Variants in TECTA observed in about 807,000 individuals in gnomAD.
The protein encoded by TECTA is tectorin alpha.
A neutral mutation model predicts 216.8 loss-of-function variants in TECTA; 128 were observed. The ratio of observed to expected loss-of-function variants is 0.59; its 90% CI spans 0.51 to 0.68. The LOEUF is 0.68. TECTA is among the 30% of genes least tolerant of loss of function. TECTA has a pLI of 0.00. For missense variants in TECTA, 2,551 were observed against 2,786.2 expected (o/e 0.92, Z 1.90); for synonymous variants, 1,089 against 1,117.1 (o/e 0.97, Z 0.50).
Position 121,128,119 on chromosome 11 carries a change from G to T in TECTA, c.2142G>T (p.Leu714=). The T allele has an allele frequency of 1.2e-6, 2 of 1,612,958 alleles. No homozygotes were observed. ...TCCCCAAGCGGGAGACCGTGTGCCT[G>T]CTCAGCCAGAACCAGGTGCTGCACA... ...GCFPKRETVC[L]LSQNQVLHTF... The change falls in exon 9 of 24, where the codon CTG becomes CTT. Residue 714 remains leucine, a synonymous_variant. Coordinates refer to ENST00000392793, the MANE Select transcript of TECTA (RefSeq NM_005422.4).
chr11:121,168,299 T>C (rs1227743330), intron 19 of TECTA, 82 bp downstream of exon 19: 1 of 1,556,886 alleles, frequency 6.4e-7, no homozygotes, highest in Admixed American at 1.7e-5. Flanking sequence ...TGCTAGCGTT[T>C]GTCTTTGATG....
intron 12 of TECTA, 43 bp downstream of exon 12, chr11:121,146,159 C>T: frequency 6.3e-7 from 1 of 1,595,992 alleles, no homozygotes; most frequent in Non-Finnish European, 8.5e-7. Flanking sequence ...TCTCCTCTTT[C>T]TTGATTGCTC....
intron 11 of TECTA, among the ~76,000 whole-genome samples, chr11:121,140,424 G>A (rs1946772925): frequency 6.6e-6 from 1 of 152,214 alleles, no homozygotes; most frequent in African/African-American, 2.4e-5. Context: ...CTCACGAGAT[G>A]CACTTATTGC....
chr11:121,181,200 A>G (rs1412896293), intron 20 of TECTA, among the ~76,000 whole-genome samples: 1 of 152,082 alleles, frequency 6.6e-6, no homozygotes, highest in African/African-American at 2.4e-5. Flanking sequence ...GATCTAGCAT[A>G]TTGTTGAAGC....
At chr11:121,162,783 G>A (rs781247632) in intron 16 of TECTA, among the ~76,000 whole-genome samples, 5 of 152,192 alleles carry the variant, frequency 3.3e-5, no homozygotes, top group African/African-American at 4.8e-5. Flanking sequence ...AAGGCAGAGC[G>A]GGAACTGAGC....
chr11:121,109,953 G>A (rs150911403), intron 4 of TECTA: 164 of 185,078 alleles, frequency 8.9e-4, no homozygotes, highest in African/African-American at 3.0e-3. Flanking sequence ...GAAAAATAGC[G>A]TTCCAAGTTT....
chr11:121,156,198 A>T (rs1417151142), intron 13 of TECTA, among the ~76,000 whole-genome samples: 1 of 152,146 alleles, frequency 6.6e-6, no homozygotes, highest in Non-Finnish European at 1.5e-5. Context: ...CTTCTGAGAC[A>T]GGGTCTCACT....
intron 20 of TECTA, among the ~76,000 whole-genome samples, chr11:121,175,086 T>G (rs1310260122): frequency 2.0e-5 from 3 of 152,176 alleles, no homozygotes; most frequent in African/African-American, 7.2e-5. Context: ...CTCTCTTTTC[T>G]TCTTTATTAA....
intron 20 of TECTA, among the ~76,000 whole-genome samples, chr11:121,182,866 T>G (rs981302588): frequency 6.6e-5 from 10 of 151,918 alleles, no homozygotes; most frequent in Non-Finnish European, 1.5e-4. Context: ...TGGTGGTGGG[T>G]GGGGCAGGCC....
intron 20 of TECTA, among the ~76,000 whole-genome samples, chr11:121,184,989 A>G (rs529764071): frequency 2.0e-5 from 3 of 152,222 alleles, no homozygotes; most frequent in Non-Finnish European, 2.9e-5. Context: ...ACACTCTACA[A>G]ATGCAAACCC....
chr11:121,172,785 A>T (rs1445427783), intron 20 of TECTA, among the ~76,000 whole-genome samples: 1 of 152,106 alleles, frequency 6.6e-6, no homozygotes, highest in Non-Finnish European at 1.5e-5. Flanking sequence ...CAAGGGTTGA[A>T]CTAGTTTACA....
chr11:121,122,817 C>T (rs1458347402), intron 7 of TECTA, among the ~76,000 whole-genome samples: 1 of 151,044 alleles, frequency 6.6e-6, no homozygotes, highest in Non-Finnish European at 1.5e-5. Context: ...TGTGCCACTG[C>T]ACTCCAGCCT....
At position 121,150,182 on chromosome 11, in the gene TECTA, G is replaced by A. The variant is rs752608406; in HGVS notation, c.4106-2699G>A. ...GAAAGACCAACCAACGGAAAGAAGAGAAAGTTCAGAAACAGGCCCAAACAC... is the reference window on the plus strand; with the variant it reads ...GAAAGACCAACCAACGGAAAGAAGAAAAAGTTCAGAAACAGGCCCAAACAC... On this transcript the variant is annotated intron_variant, in intron 12 of 23. Coordinates refer to ENST00000392793, the MANE Select transcript of TECTA (RefSeq NM_005422.4). 2.6e-4 allele frequency among the ~76,000 whole-genome samples: 40 copies of A among 152,156 alleles called. 2 individuals carry two copies. The highest frequency in any genetic ancestry group is 4.4e-4 in the Non-Finnish European group (30 of 68,032).
intron 15 of TECTA, 71 bp downstream of exon 15, chr11:121,160,492 T>C: frequency 1.9e-6 from 3 of 1,585,462 alleles, no homozygotes; most frequent in Non-Finnish European, 2.6e-6. Context: ...GTGGTGTGAA[T>C]GAGGAATGCC....
At chr11:121,184,944 A>G (rs1190256959) in intron 20 of TECTA, among the ~76,000 whole-genome samples, 1 of 152,158 alleles carries the variant, frequency 6.6e-6, no homozygotes, top group South Asian at 2.1e-4. Flanking sequence ...CTCTTTTTGT[A>G]TTCCTTTCGC....
intron 20 of TECTA, among the ~76,000 whole-genome samples, chr11:121,181,450 AATT>A (rs60183386): frequency 4.0e-4 from 59 of 148,254 alleles, no homozygotes; most frequent in Middle Eastern, 3.5e-3. Context: ...GTTGCTGGAG[AATT>A]ATTATTATTA....
At chr11:121,130,346 T>C in intron 10 of TECTA, 135 bp downstream of exon 10, 1 of 1,002,520 alleles carries the variant, frequency 1.0e-6, no homozygotes, top group Non-Finnish European at 1.4e-6. Context: ...CCTACCCTAG[T>C]CTGATGTGTC....
chr11:121,134,662 G>A (rs999713804), intron 10 of TECTA, among the ~76,000 whole-genome samples: 1 of 151,718 alleles, frequency 6.6e-6, no homozygotes, highest in Admixed American at 6.6e-5. Context: ...CCCACATTGA[G>A]CCTCCCAGTT....
intron 20 of TECTA, among the ~76,000 whole-genome samples, chr11:121,175,636 T>G (rs1358451875): frequency 6.6e-6 from 1 of 152,148 alleles, no homozygotes; most frequent in Non-Finnish European, 1.5e-5. Flanking sequence ...TTGGAATAGG[T>G]GTGGTGTGGT....
Sources: allele counts gnomAD v4.1 joint callset (sites outside exome capture counted in the v4.1 genomes callset), GRCh38; gene constraint gnomAD v4.1.1; transcripts MANE v1.5; gene names NCBI Gene and HGNC (gene_info 2026-07-23, HGNC 2026-07-21).